The following DRC11 variants were observed in gnomAD, a reference collection of about 807,000 sequenced individuals.
DRC11 encodes the protein dynein regulatory complex subunit 11.
chr2:236,501,644 G>A, the DRC11 span, among the ~76,000 whole-genome samples: 5 of 152,142 alleles, frequency 3.3e-5, no homozygotes, highest in African/African-American at 4.8e-5. Flanking sequence ...TCTAGGGCCC[G>A]AGAAGGGACA....
At chr2:236,408,227 T>G in the DRC11 span, 4 of 814,408 alleles carry the variant, frequency 4.9e-6, no homozygotes, top group South Asian at 5.3e-5. The surrounding 1 kb of genome is among the most constrained non-coding windows in gnomAD (Gnocchi z 5.5). Flanking sequence ...GAGATCAATC[T>G]TCTTGTGATC....
the DRC11 span, among the ~76,000 whole-genome samples, chr2:236,451,321 A>G: frequency 6.6e-6 from 1 of 151,926 alleles, no homozygotes. Context: ...ATATATAAAA[A>G]AGTATAGCTG....
the DRC11 span, chr2:236,507,443 G>C: frequency 3.0e-6 from 2 of 664,386 alleles, no homozygotes; most frequent in South Asian, 3.7e-5. Context: ...AGGAAAAGGT[G>C]AGGCCGGGTT....
At chr2:236,453,115 C>T in the DRC11 span, among the ~76,000 whole-genome samples, 1 of 152,210 alleles carries the variant, frequency 6.6e-6, no homozygotes, top group Non-Finnish European at 1.5e-5. The surrounding 1 kb of genome is among the most constrained non-coding windows in gnomAD (Gnocchi z 4.9). Flanking sequence ...AGCAACCCCT[C>T]CTCATTGATA....
the DRC11 span, chr2:236,380,541 A>G: frequency 6.5e-7 from 1 of 1,536,938 alleles, no homozygotes; most frequent in Non-Finnish European, 8.8e-7. This position sits in a 1 kb window ranked among gnomAD's most constrained non-coding sequence, Gnocchi z 4.9. Context: ...GCTCACGCGC[A>G]TCACAACACA....
chr2:236,358,392 G>T, the DRC11 span, among the ~76,000 whole-genome samples: 1 of 126,130 alleles, frequency 7.9e-6, no homozygotes, highest in African/African-American at 2.9e-5. Flanking sequence ...TATGATATAT[G>T]AATATCATAT....
At chr2:236,343,739 C>T in the DRC11 span, 4 of 1,304,152 alleles carry the variant, frequency 3.1e-6, no homozygotes, top group East Asian at 5.5e-5. This position sits in a 1 kb window ranked among gnomAD's most constrained non-coding sequence, Gnocchi z 6.6. Flanking sequence ...TGCAATGCAG[C>T]AACTTCGCCA....
At chr2:236,350,719 C>T in the DRC11 span, among the ~76,000 whole-genome samples, 187 of 152,332 alleles carry the variant, frequency 1.2e-3, no homozygotes, top group African/African-American at 4.2e-3. This position sits in a 1 kb window ranked among gnomAD's most constrained non-coding sequence, Gnocchi z 5.2. Flanking sequence ...GATGGGATGC[C>T]TATTCCTTGA....
chr2:236,364,104 C>G, the DRC11 span: 2 of 780,436 alleles, frequency 2.6e-6, no homozygotes, highest in Non-Finnish European at 4.1e-6. Context: ...ATAAAGGCGT[C>G]CAAAGCATTT....
the DRC11 span, among the ~76,000 whole-genome samples, chr2:236,427,096 G>A: frequency 1.3e-5 from 2 of 152,180 alleles, no homozygotes; most frequent in Non-Finnish European, 1.5e-5. This position sits in a 1 kb window ranked among gnomAD's most constrained non-coding sequence, Gnocchi z 5.9. Flanking sequence ...ATTTGGATAG[G>A]CTGAACCACT....
At chr2:236,445,458 G>A in the DRC11 span, among the ~76,000 whole-genome samples, 1 of 151,654 alleles carries the variant, frequency 6.6e-6, no homozygotes, top group Non-Finnish European at 1.5e-5. This position sits in a 1 kb window ranked among gnomAD's most constrained non-coding sequence, Gnocchi z 4.8. Flanking sequence ...TCAGCCTCCC[G>A]AGTAGCTGGG....
At chr2:236,390,765 ATGG>A in the DRC11 span, among the ~76,000 whole-genome samples, 1 of 151,368 alleles carries the variant, frequency 6.6e-6, no homozygotes, top group Non-Finnish European at 1.5e-5. This position sits in a 1 kb window ranked among gnomAD's most constrained non-coding sequence, Gnocchi z 5.9. Context: ...TGGGAGGCCC[ATGG>A]TTCTGGGGTC....
At chr2:236,356,994 A>C in the DRC11 span, among the ~76,000 whole-genome samples, 1 of 105,594 alleles carries the variant, frequency 9.5e-6, no homozygotes. Flanking sequence ...TTATATATCT[A>C]TATATTTATA....
At chr2:236,357,952 A>AAT in the DRC11 span, among the ~76,000 whole-genome samples, 11,238 of 99,444 alleles carry the variant, frequency 0.11, 1,009 homozygotes, top group African/African-American at 0.26. Context: ...ATAATATATA[A>AAT]ATATATATAA....
the DRC11 span, among the ~76,000 whole-genome samples, chr2:236,403,225 C>T: frequency 3.3e-5 from 5 of 151,984 alleles, no homozygotes; most frequent in South Asian, 2.1e-4. Flanking sequence ...GATGGGGAGG[C>T]TGTGTCTCAC....
the DRC11 span, among the ~76,000 whole-genome samples, chr2:236,338,974 C>T: frequency 3.3e-5 from 5 of 152,162 alleles, no homozygotes; most frequent in South Asian, 2.1e-4. Flanking sequence ...ACTTCCAGCC[C>T]GTGGGAGTCA....
the DRC11 span, among the ~76,000 whole-genome samples, chr2:236,357,124 A>G: frequency 0.014 from 1,431 of 103,550 alleles, 112 homozygotes; most frequent in Admixed American, 0.02. Flanking sequence ...TATATATTAT[A>G]TATTCGTATA....
the DRC11 span, among the ~76,000 whole-genome samples, chr2:236,435,820 C>T: frequency 6.6e-6 from 1 of 152,116 alleles, no homozygotes; most frequent in African/African-American, 2.4e-5. Flanking sequence ...AATGTATGTG[C>T]CACAGCCTAA....
chr2:236,359,307 C>T, the DRC11 span, among the ~76,000 whole-genome samples: 3 of 152,134 alleles, frequency 2.0e-5, no homozygotes, highest in Non-Finnish European at 4.4e-5. This position sits in a 1 kb window ranked among gnomAD's most constrained non-coding sequence, Gnocchi z 4.3. Context: ...ACCCCTCACT[C>T]ATTATTCTAT....
Sources: allele counts gnomAD v4.1 joint callset (sites outside exome capture counted in the v4.1 genomes callset), GRCh38; gene constraint gnomAD v4.1.1; non-coding constraint Gnocchi (gnomAD v3.1); transcripts MANE v1.5; gene names NCBI Gene and HGNC (gene_info 2026-07-23, HGNC 2026-07-21).